Variants in NCAM2 observed in about 807,000 individuals in gnomAD.
The protein encoded by NCAM2 is N-CAM-2.
Under a neutral mutation model 98.1 loss-of-function variants are expected in NCAM2, and 30 were observed. The ratio of observed to expected loss-of-function variants is 0.31; its 90% confidence interval spans 0.23 to 0.41. The LOEUF (loss-of-function observed/expected upper bound fraction) is 0.41. Ranked by LOEUF, NCAM2 falls within the 10% of genes least tolerant of loss-of-function variation. The pLI is 1.00. For synonymous variants in NCAM2, 368 were observed against 342.4 expected (o/e 1.07, Z -0.83); for missense variants, 867 against 1,005.8 (o/e 0.86, Z 1.87).
intron 11 of NCAM2, among the ~76,000 whole-genome samples, chr21:21,431,046 CAAAAAAAAAA>C (rs34613152): frequency 1.6e-5 from 1 of 64,062 alleles, no homozygotes; most frequent in Non-Finnish European, 2.8e-5. Flanking sequence ...AACTCCGTCT[CAAAAAAAAAA>C]AAAAAAAAAA....
In NCAM2 at chr21:21,326,882, A is replaced by G. The variant is rs561158979; in HGVS notation, c.737+2382A>G. 2.2e-4 allele frequency among the ~76,000 whole-genome samples: 34 copies of G among 152,134 alleles called. 1 individual carries two copies. The South Asian group carries it at 6.6e-3, about 30-fold the overall frequency. ...TTCTGACCTTGTATCTGACATATAG[A>G]CATGTCATGTTTGTGGAAAAGAAAA... On this transcript the variant is annotated intron_variant, in intron 6 of 17. Transcript: ENST00000400546.
At chr21:21,526,641 TAGAG>T (rs1277556278) in intron 16 of NCAM2, among the ~76,000 whole-genome samples, 1 of 152,192 alleles carries the variant, frequency 6.6e-6, no homozygotes, top group Non-Finnish European at 1.5e-5. Flanking sequence ...GTTTATTACA[TAGAG>T]AGGCAAAAAG....
intron 1 of NCAM2, among the ~76,000 whole-genome samples, chr21:21,036,874 G>A (rs2064810799): frequency 6.6e-6 from 1 of 152,270 alleles, no homozygotes; most frequent in South Asian, 2.1e-4. Context: ...GAAGAGAAGG[G>A]CCAAGAGAGG....
intron 15 of NCAM2, among the ~76,000 whole-genome samples, chr21:21,490,052 A>C (rs183198133): frequency 3.0e-4 from 46 of 152,142 alleles, no homozygotes; most frequent in African/African-American, 1.1e-3. Context: ...TTTGTTTTCC[A>C]AAAACCTTTA....
chr21:21,280,417 T>C (rs2072886457), intron 1 of NCAM2, among the ~76,000 whole-genome samples, 161 bp from the exon 2 acceptor site: 1 of 152,184 alleles, frequency 6.6e-6, no homozygotes, highest in East Asian at 1.9e-4. Flanking sequence ...ATATGTATAA[T>C]GGTAGATCAT....
chr21:21,121,169 A>G (rs1015317961), intron 1 of NCAM2, among the ~76,000 whole-genome samples: 1 of 152,192 alleles, frequency 6.6e-6, no homozygotes, highest in African/African-American at 2.4e-5. Flanking sequence ...ATCTCAGAAG[A>G]TTATCTTTAT....
chr21:21,238,493 AC>A (rs2070934258), intron 1 of NCAM2, among the ~76,000 whole-genome samples: 1 of 152,166 alleles, frequency 6.6e-6, no homozygotes, highest in African/African-American at 2.4e-5. Context: ...ATATATTATT[AC>A]ATATACAACT....
chr21:21,292,195 G>A lies in NCAM2; in HGVS notation c.573G>A (p.Glu191=). Residue 191 remains glutamate (E), a synonymous_variant, in exon 5 of 18, where the codon GAG becomes GAA. Transcript: ENST00000400546. The part of the protein sequence containing the change: ...EGIYRCEGRV[E]ARGEIDFRDI... ...TATACAGATGTGAAGGAAGAGTGGAGGCCAGGGGAGAAATTGACTTCCGTG... is the reference window on the plus strand; with the variant it reads ...TATACAGATGTGAAGGAAGAGTGGAAGCCAGGGGAGAAATTGACTTCCGTG... The A allele has an allele frequency of 6.2e-7, 1 of 1,610,470 alleles. No individual in the cohort carries two copies. Among genetic ancestry groups the A allele is most frequent in the South Asian group, 1.1e-5 (1 of 90,744 alleles).
intron 1 of NCAM2, among the ~76,000 whole-genome samples, chr21:21,238,562 G>T (rs1305187148): frequency 6.9e-6 from 1 of 144,876 alleles, no homozygotes; most frequent in African/African-American, 2.6e-5. Flanking sequence ...ATTTAGTTTG[G>T]GGGGAAATTA....
At chr21:21,518,767 A>G (rs1988851625) in intron 16 of NCAM2, among the ~76,000 whole-genome samples, 1 of 152,156 alleles carries the variant, frequency 6.6e-6, no homozygotes, top group South Asian at 2.1e-4. Context: ...GCACTTTTAT[A>G]GAACTTAGGA....
intron 9 of NCAM2, among the ~76,000 whole-genome samples, chr21:21,393,068 T>C (rs1490728050): frequency 2.0e-5 from 3 of 152,198 alleles, no homozygotes; most frequent in Non-Finnish European, 4.4e-5. Context: ...CCAGGGTTTT[T>C]ATACTTTTGG....
intron 5 of NCAM2, among the ~76,000 whole-genome samples, chr21:21,322,266 A>AC: frequency 6.6e-6 from 1 of 152,306 alleles, no homozygotes; most frequent in Admixed American, 6.5e-5. Context: ...GCCCATGGAC[A>AC]TAAAGATGGC....
intron 16 of NCAM2, among the ~76,000 whole-genome samples, chr21:21,510,058 T>C (rs1415955530): frequency 6.6e-6 from 1 of 152,192 alleles, no homozygotes; most frequent in Admixed American, 6.6e-5. Context: ...ACAATTAACA[T>C]TTTGTGCTAT....
At chr21:21,495,780 A>G (rs1004314096) in intron 15 of NCAM2, among the ~76,000 whole-genome samples, 2 of 151,794 alleles carry the variant, frequency 1.3e-5, no homozygotes, top group African/African-American at 4.8e-5. Flanking sequence ...TCAAATGGGA[A>G]CCTGATTCTT....
chr21:21,346,381 C>T (rs186429220), intron 8 of NCAM2, among the ~76,000 whole-genome samples: 1 of 152,054 alleles, frequency 6.6e-6, no homozygotes, highest in Non-Finnish European at 1.5e-5. Context: ...AACCCAGATA[C>T]ATAATGGAAA....
In NCAM2 at chr21:21,325,037, A is replaced by AT. The variant is rs566188376; in HGVS notation, c.737+544dup. 1.6e-4 allele frequency among the ~76,000 whole-genome samples: 21 copies of AT among 128,768 alleles called. No homozygotes were observed. In the South Asian group the frequency reaches 3.9e-3, roughly 24 times the overall value. 84.5% of individuals were successfully genotyped at this position (128,768 alleles called of 152,430 possible). ...TTCTAAATCTATAATTTGATAGTTT[A>AT]TTTTTTTAGAATTTTAAAATACTAT... On this transcript the variant is annotated intron_variant, in intron 6 of 17. Transcript: ENST00000400546.
chr21:21,007,463 G>A (rs1437920318), intron 1 of NCAM2, among the ~76,000 whole-genome samples: 1 of 152,146 alleles, frequency 6.6e-6, no homozygotes, highest in African/African-American at 2.4e-5. Flanking sequence ...GCAACCCTGA[G>A]GTCTGCTGGT....
At chr21:21,049,600 G>A (rs2065066375) in intron 1 of NCAM2, among the ~76,000 whole-genome samples, 1 of 151,876 alleles carries the variant, frequency 6.6e-6, no homozygotes, top group Admixed American at 6.6e-5. Flanking sequence ...AGCCAGGCGT[G>A]GGGGCTCACA....
intron 1 of NCAM2, among the ~76,000 whole-genome samples, chr21:21,251,242 T>G (rs928497434): frequency 5.9e-5 from 9 of 152,168 alleles, no homozygotes; most frequent in African/African-American, 2.2e-4. Flanking sequence ...GCCATGGTGG[T>G]TTGCTGCACC....
Sources: gnomAD v4.1 joint callset for allele counts (sites outside exome capture counted in the v4.1 genomes callset) on GRCh38, gnomAD v4.1.1 for gene constraint, MANE v1.5 for transcripts, NCBI Gene and HGNC (gene_info 2026-07-23, HGNC 2026-07-21) for gene names.